Variants in MYO7A observed in about 807,000 individuals in gnomAD.
MYO7A encodes unconventional myosin-VIIa.
A neutral mutation model predicts 263.8 loss-of-function variants in MYO7A; 210 were observed. The observed-to-expected ratio is 0.80, with a 90% confidence interval of 0.71 to 0.89. The LOEUF (loss-of-function observed/expected upper bound fraction) is 0.89, where lower values mean the gene tolerates loss of function less well. Ranked by LOEUF, MYO7A falls within the 40% of genes least tolerant of loss-of-function variation. The probability of loss-of-function intolerance (pLI) is 0.00; values close to 1 mark genes in which losing one functional copy is unlikely to be tolerated. For missense variants in MYO7A, 2,820 were observed against 2,968.3 expected, an observed-to-expected ratio of 0.95 and a Z score of 1.16; for synonymous variants, 1,239 against 1,197.3, an observed-to-expected ratio of 1.03 and a Z score of -0.72.
chr11:77,141,535 T>C (rs1555050634), intron 2 of MYO7A, among the ~76,000 whole-genome samples: 2 of 152,068 alleles, frequency 1.3e-5, no homozygotes, highest in African/African-American at 4.8e-5. Flanking sequence ...CAAAAAAGAA[T>C]ACTTTTATTA....
chr11:77,157,427 C>A (rs781907347), intron 8 of MYO7A, 35 bp downstream of exon 8: 4 of 1,459,406 alleles, frequency 2.7e-6, no homozygotes, highest in Middle Eastern at 1.9e-4. Context: ...TAGGGGGGCA[C>A]CCACCCTAGG....
rs751189425 is a variant in MYO7A, at chr11:77,203,207, G to A, written c.5316G>A (p.Leu1772=). 12 of 1,553,216 alleles carry A rather than the reference G, an allele frequency of 7.7e-6. No individual in the cohort carries two copies. In the African/African-American group the frequency reaches 1.5e-4, roughly 19 times the overall value. The change falls in exon 38 of 49, where the codon CTG becomes CTA. Residue 1772 remains leucine, a synonymous_variant. Transcript: ENST00000409709. Reference sequence around the variant, plus strand: ...AGGAGCTCTCGCAGGAGGCCTGCCTGGCCTTCATTGATATCCGTGCCACTG... The same window carrying A: ...AGGAGCTCTCGCAGGAGGCCTGCCTAGCCTTCATTGATATCCGTGCCACTG... ...GSEELSQEAC[L]AFIAVLKYMG...
intron 35 of MYO7A, among the ~76,000 whole-genome samples, chr11:77,200,213 G>A (rs12416712): frequency 6.6e-6 from 1 of 152,002 alleles, no homozygotes. Flanking sequence ...GGAGGCTGCA[G>A]TGAGCCATGA....
At chr11:77,158,157 G>C in intron 8 of MYO7A, 120 bp from the exon 9 acceptor site, 1 of 1,190,346 alleles carries the variant, frequency 8.4e-7, no homozygotes. Context: ...CAGCGCCTGG[G>C]GCCCCGGGCT....
At chr11:77,168,243 T>A (rs1029516236) in intron 15 of MYO7A, among the ~76,000 whole-genome samples, 4 of 152,194 alleles carry the variant, frequency 2.6e-5, no homozygotes, top group Non-Finnish European at 5.9e-5. Flanking sequence ...TTCCTACTCC[T>A]GGGATTAGAA....
At position 77,204,220 on chromosome 11, in the gene MYO7A, A is replaced by G. The variant is rs1198189990; in HGVS notation, c.5471A>G (p.Asn1824Ser). ...YVQILKQLTDNHIRYSEERGW... is the reference protein window; with the variant it reads ...YVQILKQLTDSHIRYSEERGW... ...CAGATCCTGAAGCAGCTGACCGACA[A>G]CCACATCAGGTGAGCCAGGCACAGT... The change falls in exon 39 of 49, where the codon AAC becomes AGC. Residue 1824 changes from asparagine (N) to serine (S), a missense_variant. Coordinates refer to ENST00000409709, the MANE Select transcript of MYO7A (RefSeq NM_000260.4). The G allele has an allele frequency of 3.2e-6, 5 of 1,573,946 alleles. No homozygotes were observed. In the South Asian group the frequency reaches 4.7e-5, roughly 15 times the overall value.
chr11:77,212,474 C>A, intron 46 of MYO7A: 1 of 350,866 alleles, frequency 2.9e-6, no homozygotes, highest in Non-Finnish European at 5.6e-6. Flanking sequence ...GGTGGCCTGC[C>A]TTGGAGGGTT....
At chr11:77,136,417 C>T (rs1950905096) in intron 2 of MYO7A, among the ~76,000 whole-genome samples, 1 of 152,180 alleles carries the variant, frequency 6.6e-6, no homozygotes, top group East Asian at 1.9e-4. Flanking sequence ...AGGTTCTTAG[C>T]ACCTTGCAGG....
chr11:77,212,827 G>A (rs765720227), intron 46 of MYO7A, 125 bp from the exon 47 acceptor site: 44 of 789,742 alleles, frequency 5.6e-5, no homozygotes, highest in Middle Eastern at 5.1e-4. Context: ...TGGCAGGGCC[G>A]TCAGTACCAC....
rs1273679558 is a variant in MYO7A at position 77,147,980 on chromosome 11, A to G, written c.285+30A>G. 4.7e-6 allele frequency: 7 copies of G among 1,484,330 alleles called. No homozygotes were observed. In the South Asian group the frequency reaches 6.5e-5, roughly 14 times the overall value. 91.9% of individuals were successfully genotyped at this position (1,484,330 alleles called of 1,614,324 possible). A position where few individuals can be genotyped will look rare whatever the true frequency, so the allele number is the denominator to read the frequency against. On this transcript the variant is annotated intron_variant, in intron 4 of 48. Transcript: ENST00000409709. Reference sequence around the variant, plus strand: ...GTGCCGCCCCGCCCGGTGCCCGTCCAGGCCCCCTCAGGCCCCGCCCCGCCC... The same window carrying G: ...GTGCCGCCCCGCCCGGTGCCCGTCCGGGCCCCCTCAGGCCCCGCCCCGCCC...
Position 77,160,242 on chromosome 11 carries a change from G to T in MYO7A, c.1160G>T (p.Ser387Ile). 1 of 1,579,706 alleles carries T rather than the reference G, an allele frequency of 6.3e-7. No individual in the cohort carries two copies. Among genetic ancestry groups the T allele is most frequent in the Non-Finnish European group, 8.6e-7 (1 of 1,163,360 alleles). Reference sequence around the variant, plus strand: ...GGGGAGACGGTGTCCACCCCACTGAGCAGGGAACAGGCACTGGACGTGCGC... The same window carrying T: ...GGGGAGACGGTGTCCACCCCACTGATCAGGGAACAGGCACTGGACGTGCGC... Reference protein sequence around the residue: ...TRGETVSTPLSREQALDVRDA... With the variant: ...TRGETVSTPLIREQALDVRDA... Residue 387 changes from serine to isoleucine, a missense_variant, in exon 11 of 49, where the codon AGC (serine) becomes ATC (isoleucine). Coordinates refer to ENST00000409709, the MANE Select transcript of MYO7A (RefSeq NM_000260.4).
Position 77,211,931 on chromosome 11 carries a change from G to A in MYO7A, c.6348G>A (p.Glu2116=), listed in dbSNP as rs1250081612. ...KWPTFGSAFF[E]VKQTTEPNFP... ...CCACCTTTGGCTCAGCCTTCTTCGA[G>A]GTGAAGGTACACCATGGGCTTCTCA... The change falls in exon 46 of 49, where the codon GAG becomes GAA. Residue 2116 remains glutamate (E), a synonymous_variant. Coordinates refer to ENST00000409709, the MANE Select transcript of MYO7A (RefSeq NM_000260.4). 6.2e-7 allele frequency: 1 copy of A among 1,613,058 alleles called. No individual in the cohort carries two copies. The highest frequency in any genetic ancestry group is 1.7e-5 in the Admixed American group (1 of 59,996).
chr11:77,178,924 C>T, intron 19 of MYO7A, 121 bp from the exon 20 acceptor site: 2 of 739,536 alleles, frequency 2.7e-6, no homozygotes, highest in South Asian at 1.7e-5. Context: ...TGTGCCTTGC[C>T]CAAGGTCATA....
chr11:77,160,828 G>T, intron 11 of MYO7A, 145 bp from the exon 12 acceptor site: 1 of 886,488 alleles, frequency 1.1e-6, no homozygotes, highest in Non-Finnish European at 1.7e-6. Context: ...CAGGCAGAGG[G>T]AACAGCTCAA....
At chr11:77,193,206 T>C (rs529736015) in intron 31 of MYO7A, among the ~76,000 whole-genome samples, 57 of 125,546 alleles carry the variant, frequency 4.5e-4, no homozygotes, top group African/African-American at 1.4e-3. Flanking sequence ...GAGGTATTGT[T>C]GGTACTGATG....
intron 14 of MYO7A, 63 bp from the exon 15 acceptor site, chr11:77,165,993 G>A (rs1340543128): frequency 4.0e-6 from 5 of 1,235,100 alleles, no homozygotes; most frequent in Non-Finnish European, 5.9e-6. Context: ...TGGCTCAGAT[G>A]TTATGGGTTT....
chr11:77,139,004 G>A (rs1373833645), intron 2 of MYO7A, among the ~76,000 whole-genome samples: 1 of 150,986 alleles, frequency 6.6e-6, no homozygotes, highest in African/African-American at 2.4e-5. Context: ...AAGGGCTAAG[G>A]CCCTGTGGGG....
intron 2 of MYO7A, chr11:77,139,511 G>A (rs1051327666): frequency 1.3e-5 from 2 of 152,062 alleles, no homozygotes; most frequent in Admixed American, 1.3e-4. Context: ...CCCATACAGT[G>A]TGTAAAGTTG....
At chr11:77,175,609 A>T in intron 18 of MYO7A, 145 bp downstream of exon 18, 1 of 784,958 alleles carries the variant, frequency 1.3e-6, no homozygotes, top group Non-Finnish European at 2.2e-6. Flanking sequence ...AGCAGGTGGG[A>T]TCTGGCCTCT....
Sources: gnomAD v4.1 joint callset for allele counts (sites outside exome capture counted in the v4.1 genomes callset) on GRCh38, gnomAD v4.1.1 for gene constraint, MANE v1.5 for transcripts, NCBI Gene and HGNC (gene_info 2026-07-23, HGNC 2026-07-21) for gene names.